ZFP91: variants seen among roughly 807,000 people sequenced by gnomAD.
ZFP91 encodes the protein ZFP91 zinc finger protein, atypical E3 ubiquitin ligase, also known as E3 ubiquitin-protein ligase ZFP91.
Under a neutral mutation model 63.5 loss-of-function variants are expected in ZFP91, and 7 were observed. The observed-to-expected ratio is 0.11, with a 90% CI of 0.06 to 0.21. The LOEUF is 0.21. ZFP91 is among the 10% of genes least tolerant of loss of function. The pLI, the probability that ZFP91 is intolerant of heterozygous loss-of-function variation, is 1.00. For synonymous variants in ZFP91, 330 were observed against 272.1 expected (o/e 1.21, Z -2.10); for missense variants, 628 against 736.6 (o/e 0.85, Z 1.71).
At chr11:58,595,412 TTAAAG>T (rs1054216847) in intron 2 of ZFP91, among the ~76,000 whole-genome samples, 5 of 152,196 alleles carry the variant, frequency 3.3e-5, no homozygotes, top group African/African-American at 7.2e-5. Flanking sequence ...CCCTTCTAAC[TTAAAG>T]TATTTTATCA....
chr11:58,581,607 C>CGGAG, intron 1 of ZFP91, among the ~76,000 whole-genome samples: 1 of 152,330 alleles, frequency 6.6e-6, no homozygotes, highest in Non-Finnish European at 1.5e-5. Flanking sequence ...GTGATCCACC[C>CGGAG]GCCTCAGCCT....
At chr11:58,584,307 A>G (rs142508997) in intron 1 of ZFP91, among the ~76,000 whole-genome samples, 1 of 152,238 alleles carries the variant, frequency 6.6e-6, no homozygotes, top group African/African-American at 2.4e-5. Context: ...AAATTGTTAA[A>G]TATACACAAA....
At position 58,617,699 on chromosome 11, in the gene ZFP91, G is replaced by A; in HGVS notation, c.1706G>A (p.Gly569Glu). Reference protein sequence around the residue: ...EVLIEDSDSAGP With the variant: ...EVLIEDSDSAEP ...CTGATTGAAGATTCAGACTCTGCCG[G>A]ACCTTAGTGGACAGGAAGACTTGGG... The change falls in exon 11 of 11, where the codon GGA (glycine) becomes GAA (glutamate). Residue 569 changes from glycine to glutamate, a missense_variant. By Grantham distance (98) the Gly-to-Glu change is moderately conservative. Transcript: ENST00000316059. The surrounding 1 kb of genome is among the most constrained non-coding windows in gnomAD (Gnocchi z 4.2). 2 of 1,499,440 alleles carry A rather than the reference G, an allele frequency of 1.3e-6. No individual in the cohort carries two copies. Among genetic ancestry groups the A allele is most frequent in the Non-Finnish European group, 1.8e-6 (2 of 1,125,226 alleles). 92.9% of individuals were successfully genotyped at this position (1,499,440 alleles called of 1,614,324 possible). A position where few individuals can be genotyped will look rare whatever the true frequency, so the allele number is the denominator to read the frequency against.
chr11:58,598,756 G>A (rs1351247204), intron 2 of ZFP91, among the ~76,000 whole-genome samples: 4 of 140,706 alleles, frequency 2.8e-5, no homozygotes, highest in Admixed American at 2.7e-4. Flanking sequence ...GCACGTGTGT[G>A]TGTGTGTGTG....
intron 2 of ZFP91, among the ~76,000 whole-genome samples, chr11:58,590,767 C>T (rs1855290545): frequency 6.6e-6 from 1 of 152,012 alleles, no homozygotes; most frequent in Non-Finnish European, 1.5e-5. Context: ...AATTGGGATT[C>T]CCACTGTGTT....
chr11:58,613,732 A>G (rs367640746), intron 8 of ZFP91, among the ~76,000 whole-genome samples: 1 of 152,250 alleles, frequency 6.6e-6, no homozygotes, highest in East Asian at 1.9e-4. Context: ...TTTGATGAGT[A>G]AACGTACCAC....
chr11:58,617,801 A>C lies in ZFP91; in HGVS notation c.*95A>C. 1.4e-6 allele frequency: 2 copies of C among 1,424,992 alleles called. No individual in the cohort carries two copies. Among genetic ancestry groups the C allele is most frequent in the Non-Finnish European group, 1.8e-6 (2 of 1,094,450 alleles). 88.3% of individuals were successfully genotyped at this position (1,424,992 alleles called of 1,614,324 possible). On this transcript the variant is annotated 3_prime_UTR_variant, in exon 11 of 11. Coordinates refer to ENST00000316059, the MANE Select transcript of ZFP91 (RefSeq NM_053023.5). This position sits in a 1 kb window ranked among gnomAD's most constrained non-coding sequence, Gnocchi z 4.2. The stretch of plus-strand genomic sequence containing the variant: ...AATCTAAAGCATTTAAAATCTAGTG[A>C]AATAACTGAAGGGCCTGCTCTTTCC...
At chr11:58,593,542 G>A (rs1855344800) in intron 2 of ZFP91, among the ~76,000 whole-genome samples, 1 of 152,114 alleles carries the variant, frequency 6.6e-6, no homozygotes, top group Non-Finnish European at 1.5e-5. Context: ...CAATGAATAA[G>A]CCAGATGTTG....
intron 2 of ZFP91, among the ~76,000 whole-genome samples, chr11:58,603,810 T>G (rs7102510): frequency 0.21 from 32,117 of 152,098 alleles, 3,638 homozygotes; most frequent in Middle Eastern, 0.36. Context: ...TTTTCCCCCC[T>G]TCTATTTTCT....
At chr11:58,608,898 C>T (rs1005604007) in intron 2 of ZFP91, among the ~76,000 whole-genome samples, 4 of 152,288 alleles carry the variant, frequency 2.6e-5, no homozygotes, top group African/African-American at 4.8e-5. Context: ...CCACTGAGCC[C>T]GGCCTGTTAG....
intron 2 of ZFP91, among the ~76,000 whole-genome samples, chr11:58,590,299 C>T (rs1434050834): frequency 6.6e-6 from 1 of 152,196 alleles, no homozygotes; most frequent in African/African-American, 2.4e-5. Context: ...CCTGAATAAT[C>T]TAATGCTATC....
intron 1 of ZFP91, among the ~76,000 whole-genome samples, chr11:58,584,376 G>A (rs1466001516): frequency 1.3e-5 from 2 of 152,018 alleles, no homozygotes; most frequent in Non-Finnish European, 2.9e-5. Context: ...ATTTTGCCAT[G>A]CTTGCTATGT....
chr11:58,610,479 T>C lies in ZFP91; in HGVS notation c.617+145T>C, dbSNP rs960091930. The C allele has an allele frequency of 3.2e-5, 23 of 726,012 alleles. No individual in the cohort carries two copies. The Admixed American group carries it at 7.6e-4, about 24-fold the overall frequency. The allele number at this position is 726,012 out of a possible 1,614,324, so 45.0% of individuals were successfully genotyped here. Reference sequence around the variant, plus strand: ...GTTTTGATACTGCATTTAGATTCCATGTTGAGCTTGATTAGAACTTAAACC... The same window carrying C: ...GTTTTGATACTGCATTTAGATTCCACGTTGAGCTTGATTAGAACTTAAACC... On this transcript the variant is annotated intron_variant, in intron 4 of 10. Coordinates refer to ENST00000316059, the MANE Select transcript of ZFP91 (RefSeq NM_053023.5).
At chr11:58,610,381 C>T (rs760664004) in intron 4 of ZFP91, 47 bp downstream of exon 4, 8 of 1,498,520 alleles carry the variant, frequency 5.3e-6, no homozygotes, top group African/African-American at 1.4e-5. Flanking sequence ...GGGGACATAG[C>T]ATAGTCACAG....
At chr11:58,590,206 G>T (rs896809653) in intron 2 of ZFP91, among the ~76,000 whole-genome samples, 1 of 152,176 alleles carries the variant, frequency 6.6e-6, no homozygotes, top group African/African-American at 2.4e-5. Flanking sequence ...GAGCCTTAGT[G>T]GATAAGAATC....
chr11:58,616,840 T>A (rs1855756231), intron 10 of ZFP91, 25 bp downstream of exon 10: 1 of 1,604,896 alleles, frequency 6.2e-7, no homozygotes, highest in South Asian at 1.1e-5. Flanking sequence ...CTGGTGAACA[T>A]CTGGGTGAGA....
At chr11:58,593,329 A>G (rs1855340319) in intron 2 of ZFP91, among the ~76,000 whole-genome samples, 1 of 152,204 alleles carries the variant, frequency 6.6e-6, no homozygotes, top group Admixed American at 6.5e-5. Context: ...CCCCTTATCA[A>G]CACTGTATAC....
Position 58,618,478 on chromosome 11 carries a change from G to T in ZFP91, c.*772G>T. On this transcript the variant is annotated 3_prime_UTR_variant, in exon 11 of 11. Coordinates refer to ENST00000316059, the MANE Select transcript of ZFP91 (RefSeq NM_053023.5). The stretch of plus-strand genomic sequence containing the variant: ...CAGGGCTCTGTATCAGTGAGACGAT[G>T]AGAAAAGTCCCAGGCTAATGGCAGA... The T allele has an allele frequency of 5.5e-6, 2 of 366,172 alleles. No homozygotes were observed. The highest frequency in any genetic ancestry group is 7.3e-5 in the Admixed American group (2 of 27,212). The allele number at this position is 366,172 out of a possible 1,614,324, so 22.7% of individuals were successfully genotyped here.
chr11:58,604,529 C>T (rs992935041), intron 2 of ZFP91, among the ~76,000 whole-genome samples: 6 of 152,070 alleles, frequency 3.9e-5, no homozygotes, highest in African/African-American at 1.4e-4. Context: ...GTAGAGCAGC[C>T]CTGGTAGACT....
Sources: gnomAD v4.1 joint callset for allele counts (sites outside exome capture counted in the v4.1 genomes callset) on GRCh38, gnomAD v4.1.1 for gene constraint, Gnocchi (gnomAD v3.1) non-coding constraint, MANE v1.5 for transcripts, NCBI Gene and HGNC (gene_info 2026-07-23, HGNC 2026-07-21) for gene names.